The following GRIK5 variants were observed in gnomAD, a reference collection of about 807,000 sequenced individuals.
GRIK5 encodes glutamate receptor ionotropic, kainate 5.
Under a neutral mutation model 97.4 loss-of-function variants are expected in GRIK5, and 43 were observed. That is an observed-to-expected ratio of 0.44 (90% CI 0.35 to 0.57). GRIK5 has a LOEUF of 0.57. Ranked by LOEUF, GRIK5 falls within the 20% of genes least tolerant of loss-of-function variation. The pLI is 0.01. For synonymous variants in GRIK5, 580 were observed against 583.5 expected (o/e 0.99, Z 0.09); for missense variants, 1,015 against 1,382.0 (o/e 0.73, Z 4.21).
chr19:42,059,474 G>A lies in GRIK5; in HGVS notation c.562C>T (p.Leu188=). 1 of 1,613,812 alleles carries A rather than the reference G, an allele frequency of 6.2e-7. No homozygotes were observed. The highest frequency in any genetic ancestry group is 1.1e-5 in the South Asian group (1 of 91,066). The change falls in exon 6 of 20, where the codon CTG becomes TTG. Residue 188 remains leucine (L), a synonymous_variant. Transcript: ENST00000593562. ...CTGTCGTCCAACATCCTCACTGACA[G>A]CGTCTCCTTGGAGATGAGGAAGCCA... ...VRGFLISKET[L]SVRMLDDSRD...
At chr19:42,047,108 G>A (rs1329349320) in intron 11 of GRIK5, among the ~76,000 whole-genome samples, 1 of 151,818 alleles carries the variant, frequency 6.6e-6, no homozygotes, top group African/African-American at 2.4e-5. Context: ...GGCTGGTCTC[G>A]AACTCCTGAG....
At chr19:42,024,872 C>G (rs1202459700) in intron 12 of GRIK5, among the ~76,000 whole-genome samples, 1 of 152,206 alleles carries the variant, frequency 6.6e-6, no homozygotes, top group Non-Finnish European at 1.5e-5. Context: ...CATGGACCCC[C>G]ACTCCCTGGA....
chr19:42,027,410 G>C (rs2075785354), intron 12 of GRIK5, among the ~76,000 whole-genome samples: 1 of 152,210 alleles, frequency 6.6e-6, no homozygotes, highest in Admixed American at 6.5e-5. Flanking sequence ...GAAGAGACTT[G>C]CAGCATCCAG....
chr19:42,002,926 G>A lies in GRIK5; in HGVS notation c.2514+406C>T, dbSNP rs1182789520. 6.6e-6 allele frequency among the ~76,000 whole-genome samples: 1 copy of A among 152,090 alleles called. No homozygotes were observed. The highest frequency in any genetic ancestry group is 1.9e-4 in the East Asian group (1 of 5,192). On this transcript the variant is annotated intron_variant, in intron 19 of 19. Coordinates refer to ENST00000593562, the MANE Select transcript of GRIK5 (RefSeq NM_002088.5). This position sits in a 1 kb window ranked among gnomAD's most constrained non-coding sequence, Gnocchi z 5.2. ...AATTTTTGTATTTTTAGTAGAGATGGGGTTTCACCATGTTGGCCAGGCTGA... is the reference window on the plus strand; with the variant it reads ...AATTTTTGTATTTTTAGTAGAGATGAGGTTTCACCATGTTGGCCAGGCTGA...
At chr19:42,054,818 A>G (rs2076162007) in intron 8 of GRIK5, among the ~76,000 whole-genome samples, 1 of 152,224 alleles carries the variant, frequency 6.6e-6, no homozygotes, top group African/African-American at 2.4e-5. Context: ...AGATGGCCAT[A>G]GTCCCCGTCT....
chr19:42,009,544 GATAA>G (rs2075534585), intron 15 of GRIK5, among the ~76,000 whole-genome samples: 1 of 151,914 alleles, frequency 6.6e-6, no homozygotes, highest in Non-Finnish European at 1.5e-5. Context: ...AAGGAGGGAG[GATAA>G]CCTGAGTTCA....
intron 1 of GRIK5, 76 bp downstream of exon 1, chr19:42,069,165 C>T (rs1333748411): frequency 1.3e-5 from 5 of 390,950 alleles, no homozygotes; most frequent in Non-Finnish European, 1.8e-5. Flanking sequence ...ATGTGGTGCC[C>T]CCCTGCCAGG....
At chr19:42,051,429 C>A (rs922649007) in intron 11 of GRIK5, among the ~76,000 whole-genome samples, 11 of 152,248 alleles carry the variant, frequency 7.2e-5, no homozygotes, top group African/African-American at 2.2e-4. Flanking sequence ...CAACAAGGAG[C>A]CTTCCTGACT....
chr19:42,045,650 C>G (rs2076034305), intron 11 of GRIK5, among the ~76,000 whole-genome samples: 1 of 152,200 alleles, frequency 6.6e-6, no homozygotes, highest in Non-Finnish European at 1.5e-5. Flanking sequence ...GAATGGAGGG[C>G]AGTCAGTGAT....
rs561561711 is a variant in GRIK5 at position 42,069,829 on chromosome 19, C to T, written c.-639G>A. 6.6e-6 allele frequency among the ~76,000 whole-genome samples: 1 copy of T among 151,854 alleles called. No individual in the cohort carries two copies. Among genetic ancestry groups the T allele is most frequent in the African/African-American group, 2.4e-5 (1 of 41,446 alleles). On this transcript the variant is annotated 5_prime_UTR_variant, in exon 1 of 20. The change creates a new upstream start codon in the 5' untranslated region. Coordinates refer to ENST00000593562, the MANE Select transcript of GRIK5 (RefSeq NM_002088.5). The stretch of plus-strand genomic sequence containing the variant: ...GGAGTCCTCAAGCCCTCAGCCCCCA[C>T]GGGAAAAGCATGCTGGGGGCGGGGA...
chr19:42,043,096 G>A (rs923841490), intron 11 of GRIK5, among the ~76,000 whole-genome samples: 4 of 152,050 alleles, frequency 2.6e-5, no homozygotes, highest in East Asian at 1.9e-4. Flanking sequence ...GTGGATCAGG[G>A]GCTTTCAGAT....
At chr19:42,061,260 G>C (rs2076255518) in intron 5 of GRIK5, among the ~76,000 whole-genome samples, 2 of 152,174 alleles carry the variant, frequency 1.3e-5, no homozygotes, top group South Asian at 4.1e-4. Flanking sequence ...TTCACAGGAT[G>C]GTCTCGATCT....
Position 42,065,499 on chromosome 19 carries a change from A to G in GRIK5, c.80-112T>C. The G allele has an allele frequency of 8.7e-7, 1 of 1,155,470 alleles. No homozygotes were observed. The allele number at this position is 1,155,470 out of a possible 1,614,324, so 71.6% of individuals were successfully genotyped here. A position where few individuals can be genotyped will look rare whatever the true frequency, so the allele number is the denominator to read the frequency against. Reference sequence around the variant, plus strand: ...AGGTGGGTATACGGACCAGGGGTCTAGACACCTGGATCTGAGGTTGGTGGG... The same window carrying G: ...AGGTGGGTATACGGACCAGGGGTCTGGACACCTGGATCTGAGGTTGGTGGG... On this transcript the variant is annotated intron_variant, in intron 2 of 19. Transcript: ENST00000593562. The surrounding 1 kb of genome is among the most constrained non-coding windows in gnomAD (Gnocchi z 5.8).
At chr19:42,029,042 G>A (rs1024352998) in intron 12 of GRIK5, among the ~76,000 whole-genome samples, 14 of 152,102 alleles carry the variant, frequency 9.2e-5, no homozygotes, top group African/African-American at 3.4e-4. Context: ...ACTAGCCTGG[G>A]CAACACAGTG....
In GRIK5 at chr19:42,042,870, A is replaced by T. The variant is rs112421488; in HGVS notation, c.1270-115T>A. ...GGAATCTGCTTGCTGAGCACGGTTG[A>T]TTTATTCATAGTACACATTTCTCAC... On this transcript the variant is annotated intron_variant, in intron 11 of 19. Transcript: ENST00000593562. The surrounding 1 kb of genome is among the most constrained non-coding windows in gnomAD (Gnocchi z 6.9). 432 of 742,820 alleles carry T rather than the reference A, an allele frequency of 5.8e-4. 5 individuals are homozygous for T. In the African/African-American group the frequency reaches 6.9e-3, roughly 12 times the overall value. The allele number at this position is 742,820 out of a possible 1,614,324, so 46.0% of individuals were successfully genotyped here.
Position 42,062,511 on chromosome 19 carries a change from C to T in GRIK5, c.485G>A (p.Ser162Asn). Residue 162 changes from serine to asparagine, a missense_variant, in exon 5 of 20, where the codon AGC becomes AAC. This residue lies in a region of GRIK5 where 198 missense variants were observed against 218.2 expected (regional missense o/e 0.91). Transcript: ENST00000593562. This position sits in a 1 kb window ranked among gnomAD's most constrained non-coding sequence, Gnocchi z 5.3. ...ILKSFNYPSA[S>N]LICAKAECLL... Reference sequence around the variant, plus strand: ...ACACTCAGCCTTGGCGCAGATGAGGCTGGCCGAGGGGTAGTTGAAGGACTT... The same window carrying T: ...ACACTCAGCCTTGGCGCAGATGAGGTTGGCCGAGGGGTAGTTGAAGGACTT... 6 of 1,614,116 alleles carry T rather than the reference C, an allele frequency of 3.7e-6. No individual in the cohort carries two copies. The highest frequency in any genetic ancestry group is 5.1e-6 in the Non-Finnish European group (6 of 1,180,024).
At chr19:42,051,426 G>A (rs1176356546) in intron 11 of GRIK5, among the ~76,000 whole-genome samples, 2 of 152,044 alleles carry the variant, frequency 1.3e-5, no homozygotes, top group African/African-American at 4.8e-5. Context: ...GGCCAACAAG[G>A]AGCCTTCCTG....
In GRIK5 at chr19:42,070,089, C is replaced by A. The variant is rs943518354; in HGVS notation, c.-899G>T. Among the ~76,000 whole-genome samples, 10 of 152,106 alleles carry A rather than the reference C, an allele frequency of 6.6e-5. No individual in the cohort carries two copies. The highest frequency in any genetic ancestry group is 5.9e-5 in the Non-Finnish European group (4 of 67,988). ...GTGAGGAGCCGGCTCCAGTCCCCGG[C>A]TCCAGTCCCCGGCTGGGCCTGCCTC... On this transcript the variant is annotated 5_prime_UTR_variant, in exon 1 of 20. Transcript: ENST00000593562.
Position 42,003,305 on chromosome 19 carries a change from G to GGCCCCCC in GRIK5, c.2514+26_2514+27insGGGGGGC. ...TCAGCCCCTGGGGGTCCCTGTTCCT[G>GGCCCCCC]CCCACCCCCACCCCCAGCCTCCTCA... is the stretch of plus-strand genomic sequence containing the variant. On this transcript the variant is annotated intron_variant, in intron 19 of 19. Transcript: ENST00000593562. The surrounding 1 kb of genome is among the most constrained non-coding windows in gnomAD (Gnocchi z 4.2). 75 of 1,540,658 alleles carry GGCCCCCC rather than the reference G, an allele frequency of 4.9e-5. No homozygotes were observed. Among genetic ancestry groups the GGCCCCCC allele is most frequent in the Middle Eastern group, 1.7e-4 (1 of 5,856 alleles).
Sources: gnomAD v4.1 joint callset for allele counts (sites outside exome capture counted in the v4.1 genomes callset) on GRCh38, gnomAD v4.1.1 for gene constraint, gnomAD v4.1.1 regional missense constraint, Gnocchi (gnomAD v3.1) non-coding constraint, MANE v1.5 for transcripts, NCBI Gene and HGNC (gene_info 2026-07-23, HGNC 2026-07-21) for gene names.